Variants in CNTNAP5 observed in about 807,000 individuals in gnomAD.
CNTNAP5 encodes contactin associated protein family member 5.
Under a neutral mutation model 150.2 loss-of-function variants are expected in CNTNAP5, and 72 were observed. That is an observed-to-expected ratio of 0.48 (90% CI 0.40 to 0.58). The LOEUF (loss-of-function observed/expected upper bound fraction) is 0.58. Among genes scored for constraint, CNTNAP5 ranks in the 20% least tolerant of loss-of-function variants. CNTNAP5 has a pLI of 0.00. For synonymous variants in CNTNAP5, 672 were observed against 619.8 expected (o/e 1.08, Z -1.25); for missense variants, 1,636 against 1,626.2 (o/e 1.01, Z -0.10).
At chr2:124,264,753 G>A (rs747213496) in intron 3 of CNTNAP5, among the ~76,000 whole-genome samples, 1 of 152,186 alleles carries the variant, frequency 6.6e-6, no homozygotes, top group Non-Finnish European at 1.5e-5. Context: ...CATGCCAGAG[G>A]CAGAACAGAC....
intron 13 of CNTNAP5, among the ~76,000 whole-genome samples, chr2:124,742,383 GT>G (rs1447933459): frequency 6.6e-6 from 1 of 151,064 alleles, no homozygotes; most frequent in Non-Finnish European, 1.5e-5. Flanking sequence ...GTGCCTCTCA[GT>G]TTGCATGTTG....
At chr2:124,298,920 G>C (rs572079849) in intron 3 of CNTNAP5, among the ~76,000 whole-genome samples, 2 of 152,212 alleles carry the variant, frequency 1.3e-5, no homozygotes, top group East Asian at 3.9e-4. Context: ...TGACTGTTCA[G>C]CCATTAGGAA....
intron 3 of CNTNAP5, among the ~76,000 whole-genome samples, chr2:124,391,563 C>T (rs1691109796): frequency 6.6e-6 from 1 of 152,164 alleles, no homozygotes; most frequent in South Asian, 2.1e-4. Context: ...TCTTTGCAGC[C>T]TCTGAGTCTT....
intron 6 of CNTNAP5, among the ~76,000 whole-genome samples, chr2:124,461,025 C>T (rs1380197428): frequency 6.6e-6 from 1 of 152,098 alleles, no homozygotes; most frequent in African/African-American, 2.4e-5. Flanking sequence ...AGTCAAGAAA[C>T]AACAGGTGCT....
chr2:124,639,875 C>T (rs895079147), intron 12 of CNTNAP5, among the ~76,000 whole-genome samples: 2 of 152,120 alleles, frequency 1.3e-5, no homozygotes, highest in African/African-American at 4.8e-5. Context: ...TCTCCTTTTC[C>T]TTTGCCCCAA....
chr2:124,570,694 C>T (rs1696132781), intron 11 of CNTNAP5, among the ~76,000 whole-genome samples: 1 of 152,042 alleles, frequency 6.6e-6, no homozygotes, highest in African/African-American at 2.4e-5. Flanking sequence ...ATACTGGATG[C>T]AATTTGCAAT....
At chr2:124,676,904 A>AAGGTGAG (rs1678952670) in intron 13 of CNTNAP5, among the ~76,000 whole-genome samples, 1 of 152,152 alleles carries the variant, frequency 6.6e-6, no homozygotes, top group African/African-American at 2.4e-5. Flanking sequence ...TGCTTTTATG[A>AAGGTGAG]AGGTGTAGAT....
intron 6 of CNTNAP5, among the ~76,000 whole-genome samples, chr2:124,469,237 A>G (rs1482764182): frequency 6.6e-6 from 1 of 152,138 alleles, no homozygotes; most frequent in Non-Finnish European, 1.5e-5. Context: ...GGTACCCTCT[A>G]TACTACCTGA....
intron 1 of CNTNAP5, among the ~76,000 whole-genome samples, chr2:124,173,989 G>C (rs1384696633): frequency 6.6e-6 from 1 of 151,822 alleles, no homozygotes; most frequent in African/African-American, 2.4e-5. Context: ...CCCTTAAGAA[G>C]TATGCTGATA....
At chr2:124,259,075 T>A (rs951274745) in intron 3 of CNTNAP5, among the ~76,000 whole-genome samples, 10 of 147,356 alleles carry the variant, frequency 6.8e-5, no homozygotes, top group African/African-American at 2.5e-4. Flanking sequence ...TTCTCATTGT[T>A]GAATTCCCAC....
At chr2:124,645,406 A>T (rs6733361) in intron 12 of CNTNAP5, among the ~76,000 whole-genome samples, 76,655 of 151,872 alleles carry the variant, frequency 0.5, 20,646 homozygotes, top group Non-Finnish European at 0.62. Flanking sequence ...ATCTCTAAAA[A>T]ACTTTTTAAA....
At chr2:124,333,837 T>G (rs1689408091) in intron 3 of CNTNAP5, among the ~76,000 whole-genome samples, 2 of 152,144 alleles carry the variant, frequency 1.3e-5, no homozygotes, top group South Asian at 4.1e-4. Flanking sequence ...CTTTAAAAAT[T>G]AAGGACCTAA....
At chr2:124,443,329 C>T (rs562545586) in intron 5 of CNTNAP5, among the ~76,000 whole-genome samples, 1 of 150,482 alleles carries the variant, frequency 6.6e-6, no homozygotes, top group African/African-American at 2.4e-5. Context: ...GAATACTATG[C>T]AGCTATAAAA....
chr2:124,493,076 A>G (rs1471976234), intron 7 of CNTNAP5, among the ~76,000 whole-genome samples: 2 of 152,124 alleles, frequency 1.3e-5, no homozygotes, highest in Non-Finnish European at 2.9e-5. Flanking sequence ...CTTTAATGTT[A>G]AGTATGATGT....
At chr2:124,640,051 G>T (rs1231980575) in intron 12 of CNTNAP5, among the ~76,000 whole-genome samples, 2 of 151,998 alleles carry the variant, frequency 1.3e-5, no homozygotes, top group Non-Finnish European at 2.9e-5. Flanking sequence ...AGCGAAACTT[G>T]CACCCCTCAT....
chr2:124,677,099 G>T (rs924120053), intron 13 of CNTNAP5, among the ~76,000 whole-genome samples: 8 of 152,274 alleles, frequency 5.3e-5, no homozygotes, highest in Admixed American at 3.3e-4. Context: ...AGTTCTTAAA[G>T]ATGGTGTGTC....
At chr2:124,439,964 T>G (rs189484376) in intron 5 of CNTNAP5, among the ~76,000 whole-genome samples, 3 of 152,114 alleles carry the variant, frequency 2.0e-5, no homozygotes, top group African/African-American at 7.2e-5. Flanking sequence ...GAGATACAGA[T>G]AGTAAGAGCG....
chr2:124,148,531 A>T (rs912971902), intron 1 of CNTNAP5, among the ~76,000 whole-genome samples: 2 of 146,616 alleles, frequency 1.4e-5, no homozygotes, highest in African/African-American at 5.0e-5. Context: ...TATACATATT[A>T]TATATATACA....
At chr2:124,101,754 C>T (rs914999551) in intron 1 of CNTNAP5, among the ~76,000 whole-genome samples, 3 of 152,216 alleles carry the variant, frequency 2.0e-5, no homozygotes, top group East Asian at 1.9e-4. Flanking sequence ...TGTGCTAATA[C>T]ACTCTTGACA....
Sources: allele counts gnomAD v4.1 joint callset (sites outside exome capture counted in the v4.1 genomes callset), GRCh38; gene constraint gnomAD v4.1.1; transcripts MANE v1.5; gene names NCBI Gene and HGNC (gene_info 2026-07-23, HGNC 2026-07-21).